CC2D2A: variants seen among roughly 807,000 people sequenced by gnomAD.
CC2D2A encodes the protein coiled-coil and C2 domain containing 2A, also known as coiled-coil and C2 domain-containing protein 2A.
CC2D2A carries 155 observed loss-of-function variants against 212.9 expected under a neutral mutation model. The observed-to-expected ratio is 0.73, with a 90% confidence interval of 0.64 to 0.83. The LOEUF is 0.83. Ranked by LOEUF, CC2D2A falls within the 40% of genes least tolerant of loss-of-function variation. CC2D2A has a pLI of 0.00. For missense variants in CC2D2A, 1,856 were observed against 1,956.2 expected, an observed-to-expected ratio of 0.95 and a Z score of 0.97; for synonymous variants, 667 against 686.5, an observed-to-expected ratio of 0.97 and a Z score of 0.44.
chr4:15,553,374 A>T, intron 19 of CC2D2A, 69 bp downstream of exon 19: 1 of 1,518,830 alleles, frequency 6.6e-7, no homozygotes. Flanking sequence ...AAGGGGAAAG[A>T]AAGCTTGCAG....
In CC2D2A at chr4:15,540,775, T is replaced by A. The variant is rs1718384613; in HGVS notation, c.2004-62T>A. The A allele has an allele frequency of 2.1e-6, 3 of 1,431,444 alleles. No individual in the cohort carries two copies. In the African/African-American group the frequency reaches 4.2e-5, roughly 20 times the overall value. The allele number at this position is 1,431,444 out of a possible 1,614,324, so 88.7% of individuals were successfully genotyped here. Reference sequence around the variant, plus strand: ...TGTTCTGTTCAGTTCTTATTTATCATATATTTTGGTGATCTTAGTAAATTA... The same window carrying A: ...TGTTCTGTTCAGTTCTTATTTATCAAATATTTTGGTGATCTTAGTAAATTA... On this transcript the variant is annotated intron_variant, in intron 16 of 36. Coordinates refer to ENST00000424120, the MANE Select transcript of CC2D2A (RefSeq NM_001378615.1).
chr4:15,577,948 C>T (rs991355421), intron 29 of CC2D2A, among the ~76,000 whole-genome samples: 7 of 152,188 alleles, frequency 4.6e-5, no homozygotes, highest in South Asian at 2.1e-4. Flanking sequence ...TTTTTCAAAA[C>T]TTGGATGAAT....
intron 33 of CC2D2A, 110 bp from the exon 34 acceptor site, chr4:15,595,975 G>A: frequency 1.5e-6 from 1 of 681,950 alleles, no homozygotes. Flanking sequence ...CGGCCTATAT[G>A]AACACTTGCT....
At chr4:15,553,034 T>C (rs1205580641) in intron 18 of CC2D2A, 124 bp from the exon 19 acceptor site, 11 of 735,808 alleles carry the variant, frequency 1.5e-5, no homozygotes, top group East Asian at 6.1e-5. Flanking sequence ...GCTTGAATCA[T>C]GTGCTCCATC....
intron 17 of CC2D2A, among the ~76,000 whole-genome samples, chr4:15,542,534 C>T (rs1718508150): frequency 6.6e-6 from 1 of 152,218 alleles, no homozygotes; most frequent in African/African-American, 2.4e-5. Flanking sequence ...GAACTCTTCT[C>T]AATACAGTAC....
At chr4:15,479,060 C>T (rs1187706479) in intron 3 of CC2D2A, among the ~76,000 whole-genome samples, 1 of 152,166 alleles carries the variant, frequency 6.6e-6, no homozygotes, top group East Asian at 1.9e-4. Context: ...AAGTTTTCTC[C>T]CATCTCCTGA....
At chr4:15,504,287 T>C (rs555685863) in intron 6 of CC2D2A, among the ~76,000 whole-genome samples, 5 of 152,342 alleles carry the variant, frequency 3.3e-5, no homozygotes, top group African/African-American at 1.2e-4. Flanking sequence ...TGACTATTTG[T>C]TATGTGCCCT....
At chr4:15,487,318 G>GT (rs751371534) in intron 4 of CC2D2A, among the ~76,000 whole-genome samples, 15 of 152,148 alleles carry the variant, frequency 9.9e-5, no homozygotes, top group Non-Finnish European at 1.5e-4. Context: ...ATATCTGGGT[G>GT]TCCCAGTATT....
intron 30 of CC2D2A, among the ~76,000 whole-genome samples, chr4:15,583,230 A>G (rs1347212606): frequency 2.0e-5 from 3 of 152,230 alleles, no homozygotes; most frequent in African/African-American, 7.2e-5. Flanking sequence ...AGCTAACATC[A>G]TACTGAACAG....
Position 15,502,802 on chromosome 4 carries a change from A to G in CC2D2A, c.337-20A>G, listed in dbSNP as rs1416554399. On this transcript the variant is annotated intron_variant, in intron 5 of 36. Transcript: ENST00000424120. ...CATTCCTGACATCATGTAGCAGTAAATTTCTGTTTGACTTTTTAGTCCAAA... is the reference window on the plus strand; with the variant it reads ...CATTCCTGACATCATGTAGCAGTAAGTTTCTGTTTGACTTTTTAGTCCAAA... 6.3e-7 allele frequency: 1 copy of G among 1,588,050 alleles called. No individual in the cohort carries two copies. Among genetic ancestry groups the G allele is most frequent in the African/African-American group, 1.3e-5 (1 of 74,278 alleles).
intron 23 of CC2D2A, among the ~76,000 whole-genome samples, chr4:15,562,702 T>C (rs1719674802): frequency 6.6e-6 from 1 of 152,224 alleles, no homozygotes; most frequent in African/African-American, 2.4e-5. Flanking sequence ...TAGGTATCAT[T>C]ATCCACATTT....
chr4:15,597,747 T>C (rs1560200038), intron 35 of CC2D2A, among the ~76,000 whole-genome samples: 2 of 152,348 alleles, frequency 1.3e-5, no homozygotes, highest in East Asian at 1.9e-4. Context: ...ATAGGTGTTG[T>C]TGAGGCACAT....
At chr4:15,544,637 AAC>A (rs1718618292) in intron 17 of CC2D2A, among the ~76,000 whole-genome samples, 1 of 152,128 alleles carries the variant, frequency 6.6e-6, no homozygotes, top group African/African-American at 2.4e-5. Context: ...CAGCCTGTGA[AAC>A]ACACTCCCAC....
chr4:15,525,756 A>C (rs144174143), intron 11 of CC2D2A, among the ~76,000 whole-genome samples: 124 of 152,350 alleles, frequency 8.1e-4, no homozygotes, highest in African/African-American at 2.6e-3. Context: ...AGATACAACA[A>C]AGAGAAAAGG....
intron 22 of CC2D2A, among the ~76,000 whole-genome samples, chr4:15,560,329 C>T (rs1719512940): frequency 6.6e-6 from 1 of 152,064 alleles, no homozygotes; most frequent in Non-Finnish European, 1.5e-5. Context: ...AGGAAAACCC[C>T]TGACTTTAGG....
chr4:15,594,047 C>G (rs2148492038), intron 33 of CC2D2A, among the ~76,000 whole-genome samples: 1 of 152,228 alleles, frequency 6.6e-6, no homozygotes, highest in East Asian at 1.9e-4. Context: ...CTCCCCCTTC[C>G]TCTGATAATG....
intron 24 of CC2D2A, 77 bp downstream of exon 24, chr4:15,563,599 A>C: frequency 1.0e-4 from 150 of 1,448,132 alleles, no homozygotes; most frequent in Middle Eastern, 2.3e-4. Flanking sequence ...CAGCATACTC[A>C]CTCTCATTCT....
intron 30 of CC2D2A, 47 bp from the exon 31 acceptor site, chr4:15,586,108 TTC>T (rs752092451): frequency 1.1e-5 from 14 of 1,305,572 alleles, no homozygotes; most frequent in South Asian, 9.7e-5. Context: ...GGATGCAGCA[TTC>T]TGTTTTATTA....
At chr4:15,496,913 A>G (rs573298291) in intron 4 of CC2D2A, among the ~76,000 whole-genome samples, 17 of 152,350 alleles carry the variant, frequency 1.1e-4, no homozygotes, top group African/African-American at 4.1e-4. Context: ...GAAATCAGAG[A>G]TAACACAAAC....
Sources: gnomAD v4.1 joint callset for allele counts (sites outside exome capture counted in the v4.1 genomes callset) on GRCh38, gnomAD v4.1.1 for gene constraint, MANE v1.5 for transcripts, NCBI Gene and HGNC (gene_info 2026-07-23, HGNC 2026-07-21) for gene names.